Variants in SLC9A6 observed in about 807,000 individuals in gnomAD.
SLC9A6 encodes sodium/hydrogen exchanger 6.
Under a neutral mutation model 45.3 loss-of-function variants are expected in SLC9A6, and 6 were observed. That is an observed-to-expected ratio of 0.13 (90% CI 0.07 to 0.26). SLC9A6 has a LOEUF of 0.26. Ranked by LOEUF, SLC9A6 falls within the 10% of genes least tolerant of loss-of-function variation. The probability of loss-of-function intolerance (pLI) is 1.00; values close to 1 mark genes in which losing one functional copy is unlikely to be tolerated. For missense variants in SLC9A6, 278 were observed against 503.7 expected, an observed-to-expected ratio of 0.55 and a Z score of 4.29; for synonymous variants, 191 against 187.7, an observed-to-expected ratio of 1.02 and a Z score of -0.14.
chrX:135,998,268 G>C (rs2089533450), intron 4 of SLC9A6, 83 bp downstream of exon 4: 1 of 645,458 alleles, frequency 1.5e-6, no homozygotes, highest in African/African-American at 2.2e-5. Flanking sequence ...GAAATGGGCT[G>C]TTCTTTCCAG....
At chrX:136,032,491 G>A (rs1439594510) in intron 15 of SLC9A6, among the ~76,000 whole-genome samples, 2 of 112,515 alleles carry the variant, frequency 1.8e-5, no homozygotes, top group Non-Finnish European at 3.7e-5. Context: ...CGGGCCCAGA[G>A]AGAGAAAGGG....
upstream of SLC9A6, among the ~76,000 whole-genome samples, chrX:135,984,285 GA>G (rs202012566): frequency 0.011 from 1,226 of 111,519 alleles, 17 homozygotes; most frequent in African/African-American, 0.038. Flanking sequence ...AAGAATTTGA[GA>G]AGGAATTTGT....
At chrX:136,023,169 A>ATGTATATG (rs2071163543) in intron 12 of SLC9A6, among the ~76,000 whole-genome samples, 5 of 2,269 alleles carry the variant, frequency 2.2e-3, no homozygotes, top group African/African-American at 3.6e-3. Context: ...AAATGTATAT[A>ATGTATATG]TATATATATA....
intron 2 of SLC9A6, among the ~76,000 whole-genome samples, chrX:135,988,336 T>G (rs1556615196): frequency 9.0e-6 from 1 of 111,677 alleles, no homozygotes; most frequent in Admixed American, 9.5e-5. Flanking sequence ...GGGCAATGGG[T>G]GCTGTGGACC....
intron 7 of SLC9A6, among the ~76,000 whole-genome samples, chrX:136,006,430 A>G (rs1479382709): frequency 9.4e-6 from 1 of 106,055 alleles, no homozygotes; most frequent in Non-Finnish European, 1.9e-5. Context: ...TATTAAGCAC[A>G]GCATCCATTA....
At chrX:135,995,186 G>A (rs2089481306) in intron 3 of SLC9A6, among the ~76,000 whole-genome samples, 1 of 112,346 alleles carries the variant, frequency 8.9e-6, no homozygotes, top group Admixed American at 9.4e-5. Context: ...AGGTTAAGTA[G>A]TATAACTCTT....
chrX:136,010,821 A>G (rs977703560), intron 8 of SLC9A6, among the ~76,000 whole-genome samples: 2 of 112,018 alleles, frequency 1.8e-5, no homozygotes, highest in Non-Finnish European at 3.8e-5. Flanking sequence ...ATAATTAGAG[A>G]TGATATCTCT....
intron 3 of SLC9A6, among the ~76,000 whole-genome samples, chrX:135,997,056 A>T (rs781797475): frequency 2.0e-5 from 2 of 102,461 alleles, no homozygotes; most frequent in African/African-American, 7.4e-5. Context: ...TTGAGCCACC[A>T]CGCCTGGCCT....
chrX:135,979,182 CCCCTGGTATT>C (rs1391103728), intron 1 of SLC9A6, among the ~76,000 whole-genome samples: 4 of 111,113 alleles, frequency 3.6e-5, no homozygotes, highest in Non-Finnish European at 7.5e-5. Context: ...CTAGACGGGA[CCCCTGGTATT>C]TCAGTAACAA....
intron 11 of SLC9A6, among the ~76,000 whole-genome samples, chrX:136,018,861 C>T (rs1261728343): frequency 9.1e-6 from 1 of 110,155 alleles, no homozygotes; most frequent in Non-Finnish European, 1.9e-5. Context: ...TACTATTCTG[C>T]AGAGCCTTAG....
In SLC9A6 at chrX:136,032,638, A is replaced by T. The variant is rs782082273; in HGVS notation, c.1582-776A>T. On this transcript the variant is annotated intron_variant, in intron 15 of 17. Coordinates refer to ENST00000630721, the MANE Select transcript of SLC9A6 (RefSeq NM_001379110.1). ...AACTTTTAGAAGACGCCTACTTGCT[A>T]TGTTAGTTTCTCCTCCTAGCTGGTC... 2.7e-5 allele frequency among the ~76,000 whole-genome samples: 3 copies of T among 112,036 alleles called. No individual in the cohort carries two copies. The Admixed American group carries it at 2.8e-4, about 11-fold the overall frequency.
At chrX:136,001,021 G>A (rs139179406) in intron 6 of SLC9A6, among the ~76,000 whole-genome samples, 315 of 110,542 alleles carry the variant, frequency 2.8e-3, no homozygotes, top group African/African-American at 9.7e-3. Flanking sequence ...CAAGTTTCTT[G>A]TTTTTATGAT....
chrX:135,987,429 G>A (rs781989666), intron 2 of SLC9A6, among the ~76,000 whole-genome samples: 19 of 111,749 alleles, frequency 1.7e-4, no homozygotes, highest in Non-Finnish European at 3.6e-4. Context: ...GAAAATAATG[G>A]CATCTTAAAT....
intron 17 of SLC9A6, among the ~76,000 whole-genome samples, chrX:136,044,088 G>A (rs782458215): frequency 8.9e-6 from 1 of 112,100 alleles, no homozygotes; most frequent in African/African-American, 3.2e-5. Flanking sequence ...CCTAGTCCTA[G>A]AAGCTCAAGG....
intron 13 of SLC9A6, among the ~76,000 whole-genome samples, chrX:136,026,783 G>A (rs2071235326): frequency 8.9e-6 from 1 of 111,996 alleles, no homozygotes; most frequent in Non-Finnish European, 1.9e-5. Flanking sequence ...TGATTCGCCC[G>A]CCTCAGCCTC....
At chrX:136,034,475 A>G (rs1556621578) in intron 16 of SLC9A6, among the ~76,000 whole-genome samples, 1 of 111,732 alleles carries the variant, frequency 8.9e-6, no homozygotes, top group African/African-American at 3.3e-5. Flanking sequence ...TTTTATCATT[A>G]TTAAAATTAA....
At chrX:136,003,217 G>A (rs781812143) in intron 7 of SLC9A6, among the ~76,000 whole-genome samples, 1 of 110,344 alleles carries the variant, frequency 9.1e-6, no homozygotes, top group South Asian at 3.8e-4. Context: ...TCAAACTCCC[G>A]ACCTCAGGTG....
In SLC9A6 at chrX:135,985,727, C is replaced by T. The variant is rs1556614830; in HGVS notation, c.69C>T (p.Leu23=). 3.3e-6 allele frequency: 4 copies of T among 1,211,788 alleles called. No individual in the cohort carries two copies. The highest frequency in any genetic ancestry group is 3.0e-5 in the East Asian group (1 of 33,802). ...ACCGGCAGGACAGCGCCAACCTGCT[C>T]ATCTTCATCCTGCTGCTCACCCTCA... ...ESHRQDSANL[L]IFILLLTLTI... is the part of the protein sequence containing the mutation. The change falls in exon 2 of 18, where the codon CTC becomes CTT. Residue 23 remains leucine, a synonymous_variant. Transcript: ENST00000630721.
At chrX:135,997,668 C>G (rs1421198841) in intron 3 of SLC9A6, among the ~76,000 whole-genome samples, 2 of 107,744 alleles carry the variant, frequency 1.9e-5, no homozygotes, top group Non-Finnish European at 3.8e-5. Context: ...CGCCCACCTC[C>G]GCCTCCCAAA....
Sources: gnomAD v4.1 joint callset for allele counts (sites outside exome capture counted in the v4.1 genomes callset) on GRCh38, gnomAD v4.1.1 for gene constraint, MANE v1.5 for transcripts, NCBI Gene and HGNC (gene_info 2026-07-23, HGNC 2026-07-21) for gene names.